CDC14B: variants seen among roughly 807,000 people sequenced by gnomAD.
The protein encoded by CDC14B is cell division cycle 14B.
CDC14B carries 22 observed loss-of-function variants against 64.2 expected under a neutral mutation model. The ratio of observed to expected loss-of-function variants is 0.34; its 90% CI spans 0.24 to 0.49. The LOEUF is 0.49. Among genes scored for constraint, CDC14B ranks in the 20% least tolerant of loss-of-function variants. The probability of loss-of-function intolerance (pLI) is 0.99; values close to 1 mark genes in which losing one functional copy is unlikely to be tolerated. For missense variants in CDC14B, 498 were observed against 629.9 expected (o/e 0.79, Z 2.24); for synonymous variants, 191 against 215.8 (o/e 0.89, Z 1.01).
intron 1 of CDC14B, among the ~76,000 whole-genome samples, chr9:96,598,796 T>C (rs1448807973): frequency 1.3e-5 from 2 of 152,230 alleles, no homozygotes; most frequent in African/African-American, 4.8e-5. Context: ...AAATGACATA[T>C]ATGTCCCAAA....
chr9:96,502,874 G>A lies in CDC14B; in HGVS notation c.*879C>T, dbSNP rs1464749068. On this transcript the variant is annotated 3_prime_UTR_variant, in exon 14 of 14. Transcript: ENST00000375241. ...TGGTAACTTTTTTTTTTTGTAAGCC[G>A]ACATTATTTGGGATTGCTGTTTCCA... 4 of 397,380 alleles carry A rather than the reference G, an allele frequency of 1.0e-5. No homozygotes were observed. The highest frequency in any genetic ancestry group is 1.3e-5 in the Non-Finnish European group (3 of 225,874). The allele number at this position is 397,380 out of a possible 1,614,324, so 24.6% of individuals were successfully genotyped here. A position where few individuals can be genotyped will look rare whatever the true frequency, so the allele number is the denominator to read the frequency against.
At chr9:96,549,129 T>C (rs1195546493) in intron 5 of CDC14B, among the ~76,000 whole-genome samples, 1 of 152,144 alleles carries the variant, frequency 6.6e-6, no homozygotes, top group African/African-American at 2.4e-5. Context: ...GACACTTTTG[T>C]AAGATAAATA....
chr9:96,496,488 G>A, downstream of CDC14B: 2 of 399,794 alleles, frequency 5.0e-6, no homozygotes, highest in South Asian at 1.8e-5. Flanking sequence ...TCAACCGCAA[G>A]GCAAACTTGG....
At chr9:96,504,800 C>T (rs1287032520) in intron 13 of CDC14B, among the ~76,000 whole-genome samples, 3 of 152,070 alleles carry the variant, frequency 2.0e-5, no homozygotes, top group Admixed American at 1.3e-4. Flanking sequence ...CAAAGCCACC[C>T]GAGAACACTG....
rs1211886213 is a variant in CDC14B, at chr9:96,534,395, G to C, written c.715+60C>G. 1.3e-4 allele frequency: 159 copies of C among 1,265,970 alleles called. 1 individual carries two copies. In the South Asian group the frequency reaches 1.9e-3, roughly 15 times the overall value. The allele number at this position is 1,265,970 out of a possible 1,614,324, so 78.4% of individuals were successfully genotyped here. On this transcript the variant is annotated intron_variant, in intron 8 of 13. Coordinates refer to ENST00000375241, the MANE Select transcript of CDC14B (RefSeq NM_033331.4). Reference sequence around the variant, plus strand: ...CAAGCTTGGTGTAACTCTTTCAAAAGAAAATATAGGATAGATATTTTCAAT... The same window carrying C: ...CAAGCTTGGTGTAACTCTTTCAAAACAAAATATAGGATAGATATTTTCAAT...
intron 1 of CDC14B, among the ~76,000 whole-genome samples, chr9:96,582,358 CCAAG>C (rs1845207900): frequency 6.6e-6 from 1 of 152,206 alleles, no homozygotes; most frequent in Admixed American, 6.5e-5. Context: ...TTATACTGGT[CCAAG>C]CAAGCATTAG....
downstream of CDC14B, among the ~76,000 whole-genome samples, chr9:96,499,389 A>C (rs1338149903): frequency 6.6e-6 from 1 of 152,234 alleles, no homozygotes; most frequent in Non-Finnish European, 1.5e-5. Context: ...GCCCGGCACC[A>C]GAGGCAAGGC....
intron 1 of CDC14B, among the ~76,000 whole-genome samples, chr9:96,591,768 C>T (rs562031770): frequency 2.6e-4 from 39 of 151,096 alleles, no homozygotes; most frequent in Admixed American, 5.3e-4. Context: ...TTTTTTGAGA[C>T]GGAGTCTTGC....
intron 4 of CDC14B, among the ~76,000 whole-genome samples, chr9:96,559,335 T>C (rs1464464695): frequency 6.6e-6 from 1 of 152,194 alleles, no homozygotes; most frequent in Non-Finnish European, 1.5e-5. Context: ...TTCCTAAAGA[T>C]TCTTCCTCCA....
intron 13 of CDC14B, among the ~76,000 whole-genome samples, chr9:96,504,472 T>C (rs1833864194): frequency 6.6e-6 from 1 of 152,232 alleles, no homozygotes; most frequent in African/African-American, 2.4e-5. Context: ...CTGCTGCTGC[T>C]GCGCTCTTCA....
intron 1 of CDC14B, among the ~76,000 whole-genome samples, chr9:96,610,674 G>C (rs1588078543): frequency 6.6e-6 from 1 of 150,590 alleles, no homozygotes; most frequent in African/African-American, 2.4e-5. Flanking sequence ...AGGAGTAGCT[G>C]TTATAGTTAT....
rs1833501532 is a variant in CDC14B, at chr9:96,500,792, G to T, written c.*2961C>A. On this transcript the variant is annotated 3_prime_UTR_variant, in exon 14 of 14. Coordinates refer to ENST00000375241, the MANE Select transcript of CDC14B (RefSeq NM_033331.4). ...TGTGTTAAGAACAGACATCCAATGA[G>T]TGCACTGCTTCTGTGGCTCCAAAGG... The T allele has an allele frequency of 6.6e-6, 1 of 152,174 alleles. No homozygotes were observed. Among genetic ancestry groups the T allele is most frequent in the Non-Finnish European group, 1.5e-5 (1 of 68,040 alleles). 9.4% of individuals were successfully genotyped at this position (152,174 alleles called of 1,614,324 possible).
intron 9 of CDC14B, among the ~76,000 whole-genome samples, chr9:96,531,722 A>T (rs904616186): frequency 2.6e-5 from 4 of 152,216 alleles, no homozygotes; most frequent in African/African-American, 9.6e-5. Flanking sequence ...TACAAATTAC[A>T]ATAATTTACA....
intron 1 of CDC14B, among the ~76,000 whole-genome samples, chr9:96,580,449 T>C (rs72603676): frequency 0.13 from 19,085 of 152,232 alleles, 1,624 homozygotes; most frequent in East Asian, 0.29. Context: ...CAGGCTTGTC[T>C]TGAATTCCCC....
chr9:96,619,276 TG>T lies in CDC14B; in HGVS notation c.102del (p.Thr35ArgfsTer42). The T allele has an allele frequency of 7.3e-7, 1 of 1,361,150 alleles. No individual in the cohort carries two copies. 84.3% of individuals were successfully genotyped at this position (1,361,150 alleles called of 1,614,324 possible). A position where few individuals can be genotyped will look rare whatever the true frequency, so the allele number is the denominator to read the frequency against. ...TSPGVKKIRS[S>X]TQQDPRRRDP... ...TCCCGGCGGCGCGGGTCTTGCTGCG[TG>T]GAGCTGCGGATCTTCTTCACACCCG... On this transcript the variant is annotated frameshift_variant, in exon 1 of 14. Coordinates refer to ENST00000375241, the MANE Select transcript of CDC14B (RefSeq NM_033331.4).
Position 96,515,869 on chromosome 9 carries a change from A to G in CDC14B, c.1344-6080T>C. The G allele has an allele frequency of 7.3e-7, 1 of 1,370,922 alleles. No individual in the cohort carries two copies. Among genetic ancestry groups the G allele is most frequent in the Non-Finnish European group, 9.8e-7 (1 of 1,017,658 alleles). The allele number at this position is 1,370,922 out of a possible 1,614,324, so 84.9% of individuals were successfully genotyped here. On this transcript the variant is annotated intron_variant, in intron 12 of 13. Coordinates refer to ENST00000375241, the MANE Select transcript of CDC14B (RefSeq NM_033331.4). This position sits in a 1 kb window ranked among gnomAD's most constrained non-coding sequence, Gnocchi z 4.3. ...TAAATTACGCAATCATCAATCAATC[A>G]AGCCATATGTGAATTTTAGACACCC...
At chr9:96,511,497 GGCA>G (rs1364739955) in intron 12 of CDC14B, among the ~76,000 whole-genome samples, 1 of 152,142 alleles carries the variant, frequency 6.6e-6, no homozygotes, top group Non-Finnish European at 1.5e-5. Context: ...CTTGAACCTG[GGCA>G]GCAGAGGTTG....
chr9:96,573,676 A>G (rs1205491130), intron 1 of CDC14B, among the ~76,000 whole-genome samples: 1 of 152,268 alleles, frequency 6.6e-6, no homozygotes, highest in Non-Finnish European at 1.5e-5. Flanking sequence ...TACATGTTAC[A>G]TGTAATAAAC....
Position 96,532,806 on chromosome 9 carries a change from CT to C in CDC14B, c.946+1120del, listed in dbSNP as rs1838693935. ...ATTTCCAGAATTTCCTTTTGGTTCC[CT>C]TTTATGTGTTCTTTTTATAACTGAT... On this transcript the variant is annotated intron_variant, in intron 9 of 13. Coordinates refer to ENST00000375241, the MANE Select transcript of CDC14B (RefSeq NM_033331.4). 2.6e-5 allele frequency among the ~76,000 whole-genome samples: 4 copies of C among 152,214 alleles called. No individual in the cohort carries two copies. In the South Asian group the frequency reaches 8.3e-4, roughly 32 times the overall value.
Sources: gnomAD v4.1 joint callset for allele counts (sites outside exome capture counted in the v4.1 genomes callset) on GRCh38, gnomAD v4.1.1 for gene constraint, Gnocchi (gnomAD v3.1) non-coding constraint, MANE v1.5 for transcripts, NCBI Gene and HGNC (gene_info 2026-07-23, HGNC 2026-07-21) for gene names.